The following FBXO4 variants were observed in gnomAD, a reference collection of about 807,000 sequenced individuals.
FBXO4 encodes F-box only protein 4.
FBXO4 carries 36 observed loss-of-function variants against 43.7 expected under a neutral mutation model. That is an observed-to-expected ratio of 0.82 (90% CI 0.63 to 1.09). FBXO4 has a LOEUF of 1.09. FBXO4 is among the 50% of genes least tolerant of loss of function. FBXO4 has a pLI of 0.00. For missense variants in FBXO4, 435 were observed against 474.1 expected (o/e 0.92, Z 0.77); for synonymous variants, 180 against 165.6 (o/e 1.09, Z -0.67).
At chr5:41,983,709 A>G in the FBXO4 span, among the ~76,000 whole-genome samples, 15 of 152,110 alleles carry the variant, frequency 9.9e-5, no homozygotes, top group East Asian at 2.7e-3. Context: ...TGCAATTGCT[A>G]TGTCTGTTCA....
At chr5:41,971,644 G>C in the FBXO4 span, among the ~76,000 whole-genome samples, 24 of 151,768 alleles carry the variant, frequency 1.6e-4, no homozygotes, top group Non-Finnish European at 3.4e-4. Context: ...CTGATTATGT[G>C]CATTTTAGTA....
chr5:41,996,734 G>C, the FBXO4 span, among the ~76,000 whole-genome samples: 1 of 151,990 alleles, frequency 6.6e-6, no homozygotes, highest in Non-Finnish European at 1.5e-5. Context: ...TTTTCTCTTG[G>C]TTGTAGGGGA....
the FBXO4 span, among the ~76,000 whole-genome samples, chr5:41,994,967 T>C: frequency 6.6e-6 from 1 of 152,156 alleles, no homozygotes; most frequent in Non-Finnish European, 1.5e-5. Flanking sequence ...CACTACCATA[T>C]ACTGGGTGCT....
intron 5 of FBXO4, 31 bp downstream of exon 5, chr5:41,934,339 A>ATT: frequency 1.2e-6 from 2 of 1,613,554 alleles, no homozygotes; most frequent in Non-Finnish European, 1.7e-6. Context: ...TTTTAAGCAC[A>ATT]TTGTTCTTTT....
At chr5:42,038,951 T>C in the FBXO4 span, among the ~76,000 whole-genome samples, 26 of 152,134 alleles carry the variant, frequency 1.7e-4, no homozygotes, top group Non-Finnish European at 2.6e-4. Context: ...TTACTTCAGC[T>C]ATACATCTTC....
the FBXO4 span, among the ~76,000 whole-genome samples, chr5:41,989,708 A>C: frequency 6.6e-6 from 1 of 152,146 alleles, no homozygotes; most frequent in African/African-American, 2.4e-5. Flanking sequence ...CCCTGTAATG[A>C]TTTGCTAATT....
the FBXO4 span, among the ~76,000 whole-genome samples, chr5:41,980,322 C>T: frequency 2.0e-5 from 3 of 152,074 alleles, no homozygotes; most frequent in African/African-American, 7.2e-5. Flanking sequence ...AGTGAGCATA[C>T]GTATAGGTTA....
chr5:41,955,704 C>G, the FBXO4 span, among the ~76,000 whole-genome samples: 2 of 152,152 alleles, frequency 1.3e-5, no homozygotes, highest in Non-Finnish European at 2.9e-5. Context: ...TTCCAGAGAT[C>G]TTCAGAGTCT....
At chr5:41,948,374 A>G in the FBXO4 span, among the ~76,000 whole-genome samples, 1 of 152,092 alleles carries the variant, frequency 6.6e-6, no homozygotes, top group Non-Finnish European at 1.5e-5. Context: ...TGACCTCGTG[A>G]TCTGCCCATC....
At chr5:41,994,461 A>G in the FBXO4 span, among the ~76,000 whole-genome samples, 2 of 152,200 alleles carry the variant, frequency 1.3e-5, no homozygotes, top group Non-Finnish European at 1.5e-5. Context: ...GCCTTCAGCA[A>G]GCACCTCAGC....
At chr5:41,935,241 C>G (rs1305242118) in intron 5 of FBXO4, among the ~76,000 whole-genome samples, 1 of 152,080 alleles carries the variant, frequency 6.6e-6, no homozygotes, top group Non-Finnish European at 1.5e-5. Flanking sequence ...AAAAAATTTA[C>G]AAGACACAAA....
chr5:42,009,617 C>T, the FBXO4 span, among the ~76,000 whole-genome samples: 1 of 152,088 alleles, frequency 6.6e-6, no homozygotes, highest in Non-Finnish European at 1.5e-5. Context: ...ACTTGTGGAA[C>T]ATGTTTAGCA....
chr5:42,038,950 C>T, the FBXO4 span, among the ~76,000 whole-genome samples: 1 of 152,042 alleles, frequency 6.6e-6, no homozygotes, highest in African/African-American at 2.4e-5. Context: ...TTTACTTCAG[C>T]TATACATCTT....
the FBXO4 span, among the ~76,000 whole-genome samples, chr5:41,960,949 TC>T: frequency 6.6e-6 from 1 of 152,028 alleles, no homozygotes; most frequent in Admixed American, 6.5e-5. Flanking sequence ...AAAATTGTGT[TC>T]TTTTGATGGT....
At position 41,925,424 on chromosome 5, in the gene FBXO4, A is replaced by T. The variant is rs1053099322; in HGVS notation, c.115A>T (p.Ser39Cys). Residue 39 changes from serine to cysteine, a missense_variant, in exon 1 of 7, where the codon AGC becomes TGC. Transcript: ENST00000281623. Reference protein sequence around the residue: ...SGWKTFWQSVSKERVARTTSR... With the variant: ...SGWKTFWQSVCKERVARTTSR... The stretch of plus-strand genomic sequence containing the variant: ...CTGGAAGACCTTCTGGCAGTCAGTG[A>T]GCAAGGAGAGGGTGGCGCGTACGAC... 7.2e-6 allele frequency: 10 copies of T among 1,380,476 alleles called. No individual in the cohort carries two copies. The highest frequency in any genetic ancestry group is 9.4e-6 in the Non-Finnish European group (10 of 1,061,162). 85.5% of individuals were successfully genotyped at this position (1,380,476 alleles called of 1,614,324 possible).
the FBXO4 span, among the ~76,000 whole-genome samples, chr5:41,982,442 C>G: frequency 6.6e-6 from 1 of 152,112 alleles, no homozygotes; most frequent in Non-Finnish European, 1.5e-5. Context: ...GATCGCCATT[C>G]TAATTTCATT....
At chr5:41,929,647 T>A in intron 2 of FBXO4, 50 bp from the exon 3 acceptor site, 1 of 1,349,150 alleles carries the variant, frequency 7.4e-7, no homozygotes. Context: ...TTTGAATGAA[T>A]AACTGGCTGT....
chr5:41,956,886 T>G, the FBXO4 span, among the ~76,000 whole-genome samples: 1 of 151,942 alleles, frequency 6.6e-6, no homozygotes, highest in African/African-American at 2.4e-5. Context: ...CTAATTTTTG[T>G]ATTTTAGTAG....
chr5:42,034,329 T>G, the FBXO4 span, among the ~76,000 whole-genome samples: 1 of 152,346 alleles, frequency 6.6e-6, no homozygotes, highest in East Asian at 1.9e-4. Flanking sequence ...TTCACTCTGA[T>G]GATAGCTTCT....
Sources: gnomAD v4.1 joint callset for allele counts (sites outside exome capture counted in the v4.1 genomes callset) on GRCh38, gnomAD v4.1.1 for gene constraint, MANE v1.5 for transcripts, NCBI Gene and HGNC (gene_info 2026-07-23, HGNC 2026-07-21) for gene names.